FRMD4A: variants seen among roughly 807,000 people sequenced by gnomAD.
FRMD4A encodes FERM domain containing 4A, also known as FERM domain-containing protein 4A.
FRMD4A carries 29 observed loss-of-function variants against 129.1 expected under a neutral mutation model. The ratio of observed to expected loss-of-function variants is 0.22; its 90% confidence interval spans 0.17 to 0.31. FRMD4A has a LOEUF of 0.31. Among genes scored for constraint, FRMD4A ranks in the 10% least tolerant of loss-of-function variants. The pLI, the probability that FRMD4A is intolerant of heterozygous loss-of-function variation, is 1.00. For synonymous variants in FRMD4A, 634 were observed against 571.6 expected (o/e 1.11, Z -1.56); for missense variants, 1,272 against 1,375.8 (o/e 0.92, Z 1.19).
At chr10:13,934,745 A>G (rs1302340306) in intron 2 of FRMD4A, among the ~76,000 whole-genome samples, 2 of 152,240 alleles carry the variant, frequency 1.3e-5, no homozygotes, top group Non-Finnish European at 2.9e-5. Flanking sequence ...TAAACTAGAA[A>G]TGGAACACAT....
At position 13,887,421 on chromosome 10, in the gene FRMD4A, C is replaced by T. The variant is rs568547585; in HGVS notation, c.46-28509G>A. Among the ~76,000 whole-genome samples the T allele has an allele frequency of 5.3e-5, 8 of 152,314 alleles. No homozygotes were observed. In the East Asian group the frequency reaches 1.5e-3, roughly 29 times the overall value. On this transcript the variant is annotated intron_variant, in intron 2 of 24. Transcript: ENST00000357447. ...TGAGGCCGGGGGCGGTGGCTCACGCCTGTAATCCCAGCACTTTGGGAGGCT... is the reference window on the plus strand; with the variant it reads ...TGAGGCCGGGGGCGGTGGCTCACGCTTGTAATCCCAGCACTTTGGGAGGCT...
intron 12 of FRMD4A, among the ~76,000 whole-genome samples, chr10:13,736,060 G>A (rs561173330): frequency 3.9e-5 from 6 of 152,324 alleles, no homozygotes; most frequent in African/African-American, 1.2e-4. Flanking sequence ...GCTGAGGCAT[G>A]AGAATCGCTT....
intron 3 of FRMD4A, among the ~76,000 whole-genome samples, chr10:13,835,847 C>A (rs527911957): frequency 1.3e-5 from 2 of 152,230 alleles, no homozygotes; most frequent in Non-Finnish European, 2.9e-5. Context: ...CCCCCTCCCC[C>A]TTTCACCAGT....
chr10:13,672,328 A>G (rs1188619382), intron 16 of FRMD4A, among the ~76,000 whole-genome samples: 5 of 152,178 alleles, frequency 3.3e-5, no homozygotes, highest in Non-Finnish European at 7.3e-5. Context: ...ATGTCTCCAA[A>G]GTAGTTAAGT....
intron 2 of FRMD4A, among the ~76,000 whole-genome samples, chr10:13,881,109 T>A (rs1441450940): frequency 6.6e-6 from 1 of 152,032 alleles, no homozygotes; most frequent in African/African-American, 2.4e-5. Context: ...TTTGCCAGGG[T>A]AGCATTTTTT....
chr10:14,315,869 CACTT>C (rs1305989957), intron 2 of FRMD4A, among the ~76,000 whole-genome samples: 2 of 152,218 alleles, frequency 1.3e-5, no homozygotes, highest in Non-Finnish European at 2.9e-5. Context: ...GTCCACTGAA[CACTT>C]ACTATGTGCC....
At chr10:14,316,710 A>T (rs1429486636) in intron 2 of FRMD4A, among the ~76,000 whole-genome samples, 1 of 152,160 alleles carries the variant, frequency 6.6e-6, no homozygotes, top group Admixed American at 6.5e-5. Flanking sequence ...CAGTTGCTGC[A>T]GGCAGCAATC....
intron 2 of FRMD4A, among the ~76,000 whole-genome samples, chr10:14,088,029 AG>A (rs1836397822): frequency 6.6e-6 from 1 of 152,214 alleles, no homozygotes; most frequent in South Asian, 2.1e-4. Flanking sequence ...ATCTGGAAGG[AG>A]AGCAGAAACT....
chr10:14,113,876 T>G (rs1379927685), intron 2 of FRMD4A, among the ~76,000 whole-genome samples: 2 of 152,164 alleles, frequency 1.3e-5, no homozygotes, highest in African/African-American at 4.8e-5. Context: ...AAGCACACCT[T>G]TATCTGTACC....
chr10:13,935,592 T>C (rs2095242724), intron 2 of FRMD4A, among the ~76,000 whole-genome samples: 1 of 151,780 alleles, frequency 6.6e-6, no homozygotes, highest in South Asian at 2.1e-4. Context: ...AGAAAACTGA[T>C]AAAGACAAGT....
At chr10:14,008,815 T>G (rs1412044270) in intron 2 of FRMD4A, among the ~76,000 whole-genome samples, 2 of 152,182 alleles carry the variant, frequency 1.3e-5, no homozygotes, top group Non-Finnish European at 2.9e-5. Context: ...GACATGCGTA[T>G]CTGTTTACCC....
In FRMD4A at chr10:13,645,410, G is replaced by T. The variant is rs372672228; in HGVS notation, c.*1628C>A. On this transcript the variant is annotated 3_prime_UTR_variant, in exon 25 of 25. Transcript: ENST00000357447. ...GCCAAAAGCACAGCATACCACCTCT[G>T]CGGAAACCTTTTTGTGCCATCTTGA... The T allele has an allele frequency of 1.3e-4, 19 of 143,214 alleles. No homozygotes were observed. The East Asian group carries it at 3.5e-3, about 27-fold the overall frequency. The allele number at this position is 143,214 out of a possible 1,614,324, so 8.9% of individuals were successfully genotyped here. A position where few individuals can be genotyped will look rare whatever the true frequency, so the allele number is the denominator to read the frequency against.
At chr10:13,762,452 T>C (rs1323906524) in intron 7 of FRMD4A, among the ~76,000 whole-genome samples, 172 bp downstream of exon 7, 1 of 152,218 alleles carries the variant, frequency 6.6e-6, no homozygotes, top group Non-Finnish European at 1.5e-5. Context: ...AGCCCCTGTT[T>C]ATTGCTATGG....
intron 9 of FRMD4A, 39 bp from the exon 10 acceptor site, chr10:13,740,616 T>G: frequency 9.4e-7 from 1 of 1,062,862 alleles, no homozygotes; most frequent in Non-Finnish European, 1.4e-6. Context: ...TTGGAGTCTC[T>G]AGGTCAACAG....
At chr10:13,861,222 C>T (rs1264662654) in intron 2 of FRMD4A, among the ~76,000 whole-genome samples, 1 of 152,124 alleles carries the variant, frequency 6.6e-6, no homozygotes, top group African/African-American at 2.4e-5. Context: ...ATGGTGAAGC[C>T]CTAACCCCCA....
chr10:14,313,781 G>C (rs1846640131), intron 2 of FRMD4A, among the ~76,000 whole-genome samples: 1 of 152,128 alleles, frequency 6.6e-6, no homozygotes, highest in Admixed American at 6.5e-5. Flanking sequence ...ACAAATAAAA[G>C]AAAGCATCTA....
At chr10:14,223,163 C>T (rs1370638174) in intron 2 of FRMD4A, among the ~76,000 whole-genome samples, 1 of 152,184 alleles carries the variant, frequency 6.6e-6, no homozygotes. Flanking sequence ...TTCTCACCTC[C>T]CCTGAGATGC....
At chr10:14,015,410 T>C (rs1216638451) in intron 2 of FRMD4A, among the ~76,000 whole-genome samples, 1 of 145,962 alleles carries the variant, frequency 6.9e-6, no homozygotes, top group Non-Finnish European at 1.5e-5. Context: ...CTCCCCTCCT[T>C]CCCCTTCCCT....
chr10:13,868,122 C>T (rs2094397533), intron 2 of FRMD4A, among the ~76,000 whole-genome samples: 1 of 151,054 alleles, frequency 6.6e-6, no homozygotes, highest in African/African-American at 2.4e-5. Context: ...GTCCACACTT[C>T]ACTTATACCA....
Sources: allele counts gnomAD v4.1 joint callset (sites outside exome capture counted in the v4.1 genomes callset), GRCh38; gene constraint gnomAD v4.1.1; transcripts MANE v1.5; gene names NCBI Gene and HGNC (gene_info 2026-07-23, HGNC 2026-07-21).